The following SPAG17 variants were observed in gnomAD, a reference collection of about 807,000 sequenced individuals.
SPAG17 encodes the protein sperm associated antigen 17.
A neutral mutation model predicts 273.6 loss-of-function variants in SPAG17; 169 were observed. The observed-to-expected ratio is 0.62, with a 90% CI of 0.55 to 0.70. The LOEUF (loss-of-function observed/expected upper bound fraction) is 0.70. SPAG17 is among the 30% of genes least tolerant of loss of function. The pLI is 0.00. For missense variants in SPAG17, 2,557 were observed against 2,627.8 expected, an observed-to-expected ratio of 0.97 and a Z score of 0.59; for synonymous variants, 825 against 873.2, an observed-to-expected ratio of 0.94 and a Z score of 0.97.
chr1:118,014,917 T>A (rs183497039), intron 29 of SPAG17, among the ~76,000 whole-genome samples: 2 of 152,202 alleles, frequency 1.3e-5, no homozygotes, highest in African/African-American at 4.8e-5. Context: ...AAGGCTCAAT[T>A]TCTCATCTGT....
chr1:118,041,971 C>T lies in SPAG17; in HGVS notation c.2886G>A (p.Lys962=), dbSNP rs1285987579. The T allele has an allele frequency of 1.9e-6, 3 of 1,613,768 alleles. No homozygotes were observed. The Admixed American group carries it at 5.0e-5, about 27-fold the overall frequency. The change falls in exon 21 of 49, where the codon AAG becomes AAA. Residue 962 remains lysine, a synonymous_variant. Transcript: ENST00000336338. The part of the protein sequence containing the change: ...RLREEKKAEK[K]GKEAGKKKGK... ...CTTTCTTTTTACCAGCTTCTTTACCCTTCTTCTCTGCTTTCTTTTCTTCCC... is the reference window on the plus strand; with the variant it reads ...CTTTCTTTTTACCAGCTTCTTTACCTTTCTTCTCTGCTTTCTTTTCTTCCC...
chr1:117,989,818 G>T (rs1656872376), intron 38 of SPAG17, among the ~76,000 whole-genome samples: 1 of 151,954 alleles, frequency 6.6e-6, no homozygotes, highest in African/African-American at 2.4e-5. Context: ...GGGCTCAAGA[G>T]AACCACCCAC....
intron 24 of SPAG17, among the ~76,000 whole-genome samples, chr1:118,035,697 T>C (rs1648998080): frequency 6.6e-6 from 1 of 152,194 alleles, no homozygotes; most frequent in Non-Finnish European, 1.5e-5. Context: ...ATCACTATGA[T>C]CTACTCTAAC....
At chr1:118,018,669 C>CAA (rs558618684) in intron 28 of SPAG17, among the ~76,000 whole-genome samples, 6 of 109,412 alleles carry the variant, frequency 5.5e-5, no homozygotes, top group Admixed American at 9.5e-5. Context: ...TTCACTGCTA[C>CAA]AAAAAAAAAA....
intron 30 of SPAG17, among the ~76,000 whole-genome samples, chr1:118,008,699 A>G (rs1444179450): frequency 2.0e-5 from 3 of 152,146 alleles, no homozygotes; most frequent in Non-Finnish European, 1.5e-5. Flanking sequence ...TATGTAAGCT[A>G]TATGTTACTC....
chr1:118,001,943 T>A lies in SPAG17; in HGVS notation c.4776+3471A>T, dbSNP rs145120618. On this transcript the variant is annotated intron_variant, in intron 32 of 48. Transcript: ENST00000336338. Reference sequence around the variant, plus strand: ...GTGCTGATTTTAGATATTTCCTGCTTTCTCTCATGGGCATTTAGTGCTACA... The same window carrying A: ...GTGCTGATTTTAGATATTTCCTGCTATCTCTCATGGGCATTTAGTGCTACA... Among the ~76,000 whole-genome samples the A allele has an allele frequency of 3.5e-4, 53 of 152,338 alleles. 1 individual carries two copies. The East Asian group carries it at 9.8e-3, about 28-fold the overall frequency.
At chr1:118,185,026 T>C (rs1661123273) in intron 1 of SPAG17, 45 bp downstream of exon 1, 17 of 1,545,426 alleles carry the variant, frequency 1.1e-5, no homozygotes, top group Non-Finnish European at 1.4e-5. Flanking sequence ...GCCGGGCCTC[T>C]GGCATTGCCG....
chr1:118,083,515 G>A (rs559849789), intron 13 of SPAG17, among the ~76,000 whole-genome samples: 25 of 152,126 alleles, frequency 1.6e-4, no homozygotes, highest in Admixed American at 5.9e-4. Context: ...GGTGGGGCGC[G>A]GTGGCTCGCT....
At chr1:118,084,680 C>T (rs1167484852) in intron 13 of SPAG17, among the ~76,000 whole-genome samples, 1 of 152,208 alleles carries the variant, frequency 6.6e-6, no homozygotes, top group Non-Finnish European at 1.5e-5. Flanking sequence ...CTGTGTATCT[C>T]TAGGTGCAGA....
intron 3 of SPAG17, among the ~76,000 whole-genome samples, chr1:118,133,359 G>A (rs1480009421): frequency 1.3e-5 from 2 of 152,090 alleles, no homozygotes; most frequent in Non-Finnish European, 2.9e-5. Flanking sequence ...ACTGTGAGCG[G>A]CAAGTGGACG....
intron 3 of SPAG17, among the ~76,000 whole-genome samples, chr1:118,131,150 T>A (rs1300200094): frequency 6.6e-6 from 1 of 152,226 alleles, no homozygotes; most frequent in Non-Finnish European, 1.5e-5. Flanking sequence ...TACTGCCTGG[T>A]TGAGGTTCCT....
At chr1:118,056,995 G>A (rs1337907080) in intron 18 of SPAG17, among the ~76,000 whole-genome samples, 8 of 148,174 alleles carry the variant, frequency 5.4e-5, no homozygotes, top group Non-Finnish European at 1.0e-4. Flanking sequence ...TTTTTTTTGA[G>A]ACTGAGTCTC....
chr1:118,148,956 T>G (rs1301407653), intron 3 of SPAG17, among the ~76,000 whole-genome samples: 1 of 152,212 alleles, frequency 6.6e-6, no homozygotes, highest in Non-Finnish European at 1.5e-5. Flanking sequence ...ATGTGCAACC[T>G]GTCCTTGGCT....
At chr1:118,001,130 GT>G (rs1658235860) in intron 32 of SPAG17, among the ~76,000 whole-genome samples, 1 of 152,062 alleles carries the variant, frequency 6.6e-6, no homozygotes, top group South Asian at 2.1e-4. Flanking sequence ...ATGCTTAATG[GT>G]TTGCGTATGT....
At position 117,984,735 on chromosome 1, in the gene SPAG17, C is replaced by G; in HGVS notation, c.5717G>C (p.Arg1906Pro). ...TQNYLMDIKN[R>P]IIPPFFKSEL... ...AGATTTAAAAAAGGGTGGTATTATG[C>G]GGTTCTTAATATCCATTAGGTAATT... Residue 1906 changes from arginine (R) to proline (P), a missense_variant, in exon 41 of 49, where the codon CGC (arginine) becomes CCC (proline). Arg to Pro is a moderately radical substitution (Grantham distance 103). Transcript: ENST00000336338. The G allele has an allele frequency of 6.2e-7, 1 of 1,611,088 alleles. No individual in the cohort carries two copies.
intron 31 of SPAG17, among the ~76,000 whole-genome samples, chr1:118,006,986 T>C (rs1658962339): frequency 6.6e-6 from 1 of 152,184 alleles, no homozygotes; most frequent in Non-Finnish European, 1.5e-5. Flanking sequence ...AGTTCTAAGT[T>C]GTAGGGTACT....
At chr1:118,015,056 G>A (rs1444757502) in intron 29 of SPAG17, among the ~76,000 whole-genome samples, 6 of 151,706 alleles carry the variant, frequency 4.0e-5, no homozygotes, top group Middle Eastern at 3.4e-3. Flanking sequence ...AGGCTGAGGC[G>A]GGCCGATCAC....
At chr1:118,028,919 C>T (rs974551259) in intron 25 of SPAG17, among the ~76,000 whole-genome samples, 2 of 152,162 alleles carry the variant, frequency 1.3e-5, no homozygotes, top group African/African-American at 4.8e-5. Context: ...TTGCCTCTTC[C>T]TCTTCTGCCA....
chr1:118,182,358 A>G (rs1660989433), intron 1 of SPAG17, among the ~76,000 whole-genome samples: 1 of 152,110 alleles, frequency 6.6e-6, no homozygotes, highest in African/African-American at 2.4e-5. Context: ...TCTTCCTATC[A>G]CTGTGGCCAA....
Sources: allele counts gnomAD v4.1 joint callset (sites outside exome capture counted in the v4.1 genomes callset), GRCh38; gene constraint gnomAD v4.1.1; transcripts MANE v1.5; gene names NCBI Gene and HGNC (gene_info 2026-07-23, HGNC 2026-07-21).